Variants in EPHB1 observed in about 807,000 individuals in gnomAD.
The protein encoded by EPHB1 is ephrin type-B receptor 1.
In EPHB1, 30 loss-of-function variants were observed where a neutral mutation model predicts 94.4. That is an observed-to-expected ratio of 0.32 (90% CI 0.24 to 0.43). The LOEUF (loss-of-function observed/expected upper bound fraction) is 0.43, where lower values mean the gene tolerates loss of function less well. Among genes scored for constraint, EPHB1 ranks in the 20% least tolerant of loss-of-function variants. The pLI is 1.00. For missense variants in EPHB1, 1,055 were observed against 1,308.3 expected (o/e 0.81, Z 2.99); for synonymous variants, 522 against 489.1 (o/e 1.07, Z -0.89).
chr3:135,105,275 G>T (rs1939169257), intron 3 of EPHB1, among the ~76,000 whole-genome samples: 1 of 152,212 alleles, frequency 6.6e-6, no homozygotes, highest in Non-Finnish European at 1.5e-5. Flanking sequence ...GCTCCTTGAA[G>T]GCAGGCTCTA....
At chr3:134,839,618 G>A (rs1337916111) in intron 1 of EPHB1, among the ~76,000 whole-genome samples, 1 of 152,040 alleles carries the variant, frequency 6.6e-6, no homozygotes, top group Non-Finnish European at 1.5e-5. Context: ...ACCCCAGACT[G>A]AGTCATGACC....
chr3:135,052,558 GA>G, intron 3 of EPHB1, among the ~76,000 whole-genome samples: 1 of 151,962 alleles, frequency 6.6e-6, no homozygotes, highest in East Asian at 1.9e-4. Context: ...TTCTCATAAA[GA>G]AACCTTATAA....
chr3:134,817,106 T>C (rs1021916912), intron 1 of EPHB1, among the ~76,000 whole-genome samples: 11 of 151,970 alleles, frequency 7.2e-5, no homozygotes, highest in Non-Finnish European at 1.3e-4. Context: ...TAAAGATTAA[T>C]CAAGGTAAGT....
intron 1 of EPHB1, among the ~76,000 whole-genome samples, chr3:134,844,277 A>G (rs1243674151): frequency 6.6e-6 from 1 of 152,226 alleles, no homozygotes; most frequent in Non-Finnish European, 1.5e-5. Flanking sequence ...ATTCTCTGCC[A>G]TTGGATCTGT....
chr3:135,072,986 C>T (rs1284496850), intron 3 of EPHB1, among the ~76,000 whole-genome samples: 1 of 152,104 alleles, frequency 6.6e-6, no homozygotes, highest in African/African-American at 2.4e-5. Context: ...TTTAAACATA[C>T]TTCATGCGTT....
chr3:134,989,693 T>C (rs1934729755), intron 3 of EPHB1, among the ~76,000 whole-genome samples: 1 of 152,196 alleles, frequency 6.6e-6, no homozygotes, highest in Admixed American at 6.5e-5. Flanking sequence ...ATTAATTTAA[T>C]TGTGTTAAAT....
In EPHB1 at chr3:134,914,760, G is replaced by A. The variant is rs2038530427; in HGVS notation, c.59-11056G>A. 2.0e-5 allele frequency among the ~76,000 whole-genome samples: 3 copies of A among 152,158 alleles called. No individual in the cohort carries two copies. In the South Asian group the frequency reaches 6.2e-4, roughly 32 times the overall value. ...GCAACAAGAATGACAAAGCACTCAG[G>A]GACTAGCAGCAGCAGGGGGCTTTTA... On this transcript the variant is annotated intron_variant, in intron 1 of 15. Coordinates refer to ENST00000398015, the MANE Select transcript of EPHB1 (RefSeq NM_004441.5).
chr3:134,830,578 A>G (rs952133257), intron 1 of EPHB1, among the ~76,000 whole-genome samples: 5 of 152,142 alleles, frequency 3.3e-5, no homozygotes, highest in African/African-American at 9.7e-5. Context: ...GCACTCAGAG[A>G]AAGGCAGCAT....
At chr3:135,022,141 G>A (rs1215165026) in intron 3 of EPHB1, among the ~76,000 whole-genome samples, 11 of 152,050 alleles carry the variant, frequency 7.2e-5, no homozygotes, top group African/African-American at 2.4e-4. Context: ...CACCATGCCC[G>A]GCTAATTTTT....
At chr3:135,253,044 C>CAT in intron 15 of EPHB1, among the ~76,000 whole-genome samples, 2 of 150,002 alleles carry the variant, frequency 1.3e-5, no homozygotes, top group Non-Finnish European at 3.0e-5. Context: ...ATGTCCTTTG[C>CAT]CCACTTTTTG....
intron 3 of EPHB1, among the ~76,000 whole-genome samples, chr3:135,026,894 C>A (rs1387660705): frequency 3.7e-5 from 5 of 134,836 alleles, no homozygotes; most frequent in African/African-American, 1.4e-4. Flanking sequence ...TTTCCTTGAG[C>A]AGTGGTTTGT....
At chr3:135,014,897 T>C (rs1276595920) in intron 3 of EPHB1, among the ~76,000 whole-genome samples, 1 of 152,240 alleles carries the variant, frequency 6.6e-6, no homozygotes, top group African/African-American at 2.4e-5. Flanking sequence ...TTTTGCTTTC[T>C]GGTTTTACTT....
chr3:134,979,016 CA>C (rs1295602378), intron 3 of EPHB1, among the ~76,000 whole-genome samples: 4 of 152,158 alleles, frequency 2.6e-5, no homozygotes, highest in Non-Finnish European at 4.4e-5. Context: ...TCTGGCATCC[CA>C]AAACCAGGCA....
intron 4 of EPHB1, among the ~76,000 whole-genome samples, chr3:135,116,581 C>T (rs372740900): frequency 1.3e-5 from 2 of 152,168 alleles, no homozygotes; most frequent in Admixed American, 1.3e-4. Context: ...TCAGAGTCAC[C>T]ACTGCCAGTC....
intron 12 of EPHB1, among the ~76,000 whole-genome samples, chr3:135,236,068 A>G (rs1003701383): frequency 1.8e-4 from 27 of 152,214 alleles, no homozygotes; most frequent in Admixed American, 8.5e-4. Context: ...CATGGCTTCT[A>G]TAACAAAGTA....
intron 1 of EPHB1, among the ~76,000 whole-genome samples, chr3:134,815,041 A>T (rs976690089): frequency 6.6e-6 from 1 of 152,216 alleles, no homozygotes; most frequent in East Asian, 1.9e-4. Context: ...ATTTTGAGCA[A>T]TTTTTAAAAA....
chr3:135,173,366 G>T (rs539220429), intron 9 of EPHB1, among the ~76,000 whole-genome samples: 1 of 152,314 alleles, frequency 6.6e-6, no homozygotes, highest in South Asian at 2.1e-4. Context: ...AGCAGCTATG[G>T]TCTACTTTCC....
chr3:134,800,832 A>G (rs181512412), intron 1 of EPHB1, among the ~76,000 whole-genome samples: 2 of 152,362 alleles, frequency 1.3e-5, no homozygotes, highest in Admixed American at 6.5e-5. Flanking sequence ...TCAGGTAGGT[A>G]TTATTATAAT....
chr3:134,944,243 C>G (rs532277875), intron 2 of EPHB1, among the ~76,000 whole-genome samples: 1 of 152,186 alleles, frequency 6.6e-6, no homozygotes, highest in African/African-American at 2.4e-5. Context: ...ACACAGCTTT[C>G]CTCACTTAGC....
Sources: allele counts gnomAD v4.1 joint callset (sites outside exome capture counted in the v4.1 genomes callset), GRCh38; gene constraint gnomAD v4.1.1; transcripts MANE v1.5; gene names NCBI Gene and HGNC (gene_info 2026-07-23, HGNC 2026-07-21).